PTPN21: variants seen among roughly 807,000 people sequenced by gnomAD.
PTPN21 encodes the protein protein tyrosine phosphatase non-receptor type 21.
Under a neutral mutation model 131.8 loss-of-function variants are expected in PTPN21, and 77 were observed. The observed-to-expected ratio is 0.58, with a 90% CI of 0.49 to 0.71. PTPN21 has a LOEUF of 0.71. PTPN21 is among the 30% of genes least tolerant of loss of function. PTPN21 has a pLI of 0.00. For missense variants in PTPN21, 1,552 were observed against 1,527.1 expected, an observed-to-expected ratio of 1.02 and a Z score of -0.27; for synonymous variants, 715 against 621.3, an observed-to-expected ratio of 1.15 and a Z score of -2.24.
At chr14:88,539,475 C>T (rs188867388) in intron 2 of PTPN21, among the ~76,000 whole-genome samples, 28 of 151,980 alleles carry the variant, frequency 1.8e-4, no homozygotes, top group Non-Finnish European at 3.5e-4. Context: ...CTCCAATTCC[C>T]GACCTCAGGT....
chr14:88,531,519 T>C (rs997112313), intron 2 of PTPN21, among the ~76,000 whole-genome samples: 3 of 152,098 alleles, frequency 2.0e-5, no homozygotes, highest in Admixed American at 6.6e-5. Context: ...ATTGCGCCAC[T>C]GCACTCCAGC....
At chr14:88,496,548 T>C in intron 9 of PTPN21, 56 bp from the exon 10 acceptor site, 5 of 1,322,198 alleles carry the variant, frequency 3.8e-6, no homozygotes, top group Non-Finnish European at 4.4e-6. Flanking sequence ...ACTTGATACG[T>C]TTAATGCAGA....
At chr14:88,518,401 TATATATATATATA>T (rs1243797208) in intron 2 of PTPN21, among the ~76,000 whole-genome samples, 1 of 23,156 alleles carries the variant, frequency 4.3e-5, no homozygotes, top group Non-Finnish European at 1.2e-4. Flanking sequence ...TATATATATA[TATATATATATATA>T]TTTTTTTTTT....
Position 88,502,410 on chromosome 14 carries a change from C to T in PTPN21, c.588-1042G>A, listed in dbSNP as rs116133415. The stretch of plus-strand genomic sequence containing the variant: ...ATCACCTTCTGGGATTCTCCAATGC[C>T]GCAGCTCCATGCAGTCCCAACACAT... On this transcript the variant is annotated intron_variant, in intron 6 of 18. Transcript: ENST00000556564. Among the ~76,000 whole-genome samples the T allele has an allele frequency of 5.9e-3, 905 of 152,210 alleles. 12 individuals carry two copies. Among genetic ancestry groups the T allele is most frequent in the African/African-American group, 0.021 (869 of 41,516 alleles).
At position 88,550,473 on chromosome 14, in the gene PTPN21, C is replaced by T; in HGVS notation, c.-56G>A. On this transcript the variant is annotated 5_prime_UTR_variant, in exon 2 of 19. Coordinates refer to ENST00000556564, the MANE Select transcript of PTPN21 (RefSeq NM_007039.4). The stretch of plus-strand genomic sequence containing the variant: ...AGAGGGAAAAGCTACCCCCACCAAC[C>T]CAGCGCTGGTGACGCCAGGAGAAAG... 3.3e-6 allele frequency: 5 copies of T among 1,518,462 alleles called. No homozygotes were observed. Among genetic ancestry groups the T allele is most frequent in the Non-Finnish European group, 4.5e-6 (5 of 1,107,202 alleles). 94.1% of individuals were successfully genotyped at this position (1,518,462 alleles called of 1,614,324 possible).
In PTPN21 at chr14:88,517,223, A is replaced by G. The variant is rs1049275438; in HGVS notation, c.219T>C (p.Asn73=). The G allele has an allele frequency of 1.2e-6, 2 of 1,614,080 alleles. No homozygotes were observed. The highest frequency in any genetic ancestry group is 1.7e-6 in the Non-Finnish European group (2 of 1,179,968). The part of the protein sequence containing the change: ...YFSLWYYNKQ[N]QRRWVDLEKP... ...TTTCCAAATCTACCCACCGGCGCTG[A>G]TTTTGCTTGTTGTAGTACCAGAGGC... Residue 73 remains asparagine (N), a synonymous_variant, in exon 3 of 19, where the codon AAT becomes AAC. Transcript: ENST00000556564.
chr14:88,485,224 T>C, intron 11 of PTPN21, 64 bp from the exon 12 acceptor site: 3 of 1,007,722 alleles, frequency 3.0e-6, no homozygotes, highest in Middle Eastern at 2.2e-4. Flanking sequence ...GGTAAAGTTA[T>C]TATCCACTGG....
intron 2 of PTPN21, among the ~76,000 whole-genome samples, chr14:88,524,562 T>C (rs577377224): frequency 6.6e-6 from 1 of 152,264 alleles, no homozygotes; most frequent in African/African-American, 2.4e-5. Context: ...TGCTTGAGTA[T>C]AACACCAAAA....
Position 88,550,595 on chromosome 14 carries a change from G to A in PTPN21, c.-178C>T. ...AAAGCAACGGAGTCTCCAATGGCCC[G>A]AGGAAGGGAGCATTGACGCCAGCGC... On this transcript the variant is annotated 5_prime_UTR_variant, in exon 2 of 19. Transcript: ENST00000556564. The A allele has an allele frequency of 3.3e-6, 2 of 604,910 alleles. No homozygotes were observed. Among genetic ancestry groups the A allele is most frequent in the South Asian group, 2.3e-5 (1 of 44,330 alleles). 37.5% of individuals were successfully genotyped at this position (604,910 alleles called of 1,614,324 possible).
intron 4 of PTPN21, among the ~76,000 whole-genome samples, chr14:88,506,677 A>G (rs1322963860): frequency 6.6e-6 from 1 of 152,130 alleles, no homozygotes; most frequent in Non-Finnish European, 1.5e-5. Context: ...AAGTCTATAC[A>G]TGGGGTACAG....
intron 15 of PTPN21, among the ~76,000 whole-genome samples, chr14:88,471,933 A>G (rs1217904763): frequency 1.3e-5 from 2 of 151,694 alleles, no homozygotes; most frequent in African/African-American, 4.8e-5. Flanking sequence ...AAAAAAAAAA[A>G]AGCCGGGCAA....
intron 2 of PTPN21, among the ~76,000 whole-genome samples, chr14:88,532,103 G>A (rs1425504709): frequency 6.6e-6 from 1 of 151,070 alleles, no homozygotes; most frequent in South Asian, 2.1e-4. Context: ...AGGCTGAAAC[G>A]GTAATTAAAA....
intron 4 of PTPN21, among the ~76,000 whole-genome samples, chr14:88,506,380 T>C (rs1182198123): frequency 3.3e-5 from 5 of 152,040 alleles, no homozygotes; most frequent in African/African-American, 1.2e-4. Context: ...TACATGTATA[T>C]CAGACATGTA....
At chr14:88,478,415 G>A (rs1293365046) in intron 13 of PTPN21, among the ~76,000 whole-genome samples, 1 of 152,060 alleles carries the variant, frequency 6.6e-6, no homozygotes, top group African/African-American at 2.4e-5. Context: ...GGAGAATCAC[G>A]GCCAAGATAT....
chr14:88,523,296 C>T (rs141487580), intron 2 of PTPN21, among the ~76,000 whole-genome samples: 1 of 151,800 alleles, frequency 6.6e-6, no homozygotes, highest in Non-Finnish European at 1.5e-5. Flanking sequence ...AAACATACCC[C>T]CCAAAATCAT....
chr14:88,510,026 AGT>A (rs2078152947), intron 3 of PTPN21, among the ~76,000 whole-genome samples: 1 of 152,168 alleles, frequency 6.6e-6, no homozygotes, highest in African/African-American at 2.4e-5. Context: ...TCACAGAGAG[AGT>A]CTGTCTCAAA....
intron 2 of PTPN21, among the ~76,000 whole-genome samples, chr14:88,545,982 A>C (rs1410452325): frequency 1.4e-5 from 2 of 145,242 alleles, no homozygotes; most frequent in Admixed American, 6.9e-5. Flanking sequence ...ATAGAGCGAG[A>C]CTCTGTCTCA....
At chr14:88,468,574 T>C (rs971174294) in intron 18 of PTPN21, among the ~76,000 whole-genome samples, 2 of 152,212 alleles carry the variant, frequency 1.3e-5, no homozygotes, top group African/African-American at 4.8e-5. Context: ...GTGTGCTAAG[T>C]GCTATCAGTA....
At chr14:88,552,636 CTG>C (rs776007793) in intron 1 of PTPN21, 2 of 152,166 alleles carry the variant, frequency 1.3e-5, no homozygotes, top group Non-Finnish European at 2.9e-5. Flanking sequence ...ACCTAAAGCA[CTG>C]TGTTAATTAA....
Sources: allele counts gnomAD v4.1 joint callset (sites outside exome capture counted in the v4.1 genomes callset), GRCh38; gene constraint gnomAD v4.1.1; transcripts MANE v1.5; gene names NCBI Gene and HGNC (gene_info 2026-07-23, HGNC 2026-07-21).